The following TBL1XR1 variants were observed in gnomAD, a reference collection of about 807,000 sequenced individuals.
TBL1XR1 encodes the protein TBL1X/Y related 1, also known as F-box-like/WD repeat-containing protein TBL1XR1.
Under a neutral mutation model 66.9 loss-of-function variants are expected in TBL1XR1, and 5 were observed. That is an observed-to-expected ratio of 0.07 (90% CI 0.04 to 0.16). TBL1XR1 has a LOEUF of 0.16. Ranked by LOEUF, TBL1XR1 falls within the 10% of genes least tolerant of loss-of-function variation. The probability of loss-of-function intolerance (pLI) is 1.00; values close to 1 mark genes in which losing one functional copy is unlikely to be tolerated. For synonymous variants in TBL1XR1, 210 were observed against 206.0 expected (o/e 1.02, Z -0.17); for missense variants, 238 against 623.2 (o/e 0.38, Z 6.58).
At chr3:177,107,988 T>C (rs753248218) in intron 1 of TBL1XR1, among the ~76,000 whole-genome samples, 3 of 150,802 alleles carry the variant, frequency 2.0e-5, no homozygotes, top group Non-Finnish European at 4.4e-5. Context: ...CATTAAAAAA[T>C]GAATGGGCAT....
rs200200315 is a variant in TBL1XR1 at position 177,051,548 on chromosome 3, T to C, written c.383A>G (p.Glu128Gly). ...ATTCTCCTCCCCATTTGCTGTGTTTTCTCCATTTTTTGCAGATCCTTGTTG... is the reference window on the plus strand; with the variant it reads ...ATTCTCCTCCCCATTTGCTGTGTTTCCTCCATTTTTTGCAGATCCTTGTTG... ...ASQQGSAKNG[E>G]NTANGEENGA... is the part of the protein sequence containing the mutation. The change falls in exon 5 of 16, where the codon GAA becomes GGA. Residue 128 changes from glutamate to glycine, a missense_variant. Physicochemically the swap from Glu to Gly is moderately conservative, Grantham distance 98. Coordinates refer to ENST00000457928, the MANE Select transcript of TBL1XR1 (RefSeq NM_024665.7). 1 of 1,613,648 alleles carries C rather than the reference T, an allele frequency of 6.2e-7. No individual in the cohort carries two copies. The highest frequency in any genetic ancestry group is 8.5e-7 in the Non-Finnish European group (1 of 1,179,790).
At chr3:177,113,176 G>A (rs1224408923) in intron 1 of TBL1XR1, among the ~76,000 whole-genome samples, 1 of 152,038 alleles carries the variant, frequency 6.6e-6, no homozygotes, top group East Asian at 1.9e-4. Flanking sequence ...GTAGAAAAAT[G>A]AAAGTAGACC....
intron 1 of TBL1XR1, among the ~76,000 whole-genome samples, chr3:177,190,259 G>A (rs1735982773): frequency 6.6e-6 from 1 of 151,658 alleles, no homozygotes; most frequent in African/African-American, 2.4e-5. Context: ...ACTAGACTAG[G>A]TTTTCCCCCA....
intron 1 of TBL1XR1, among the ~76,000 whole-genome samples, chr3:177,125,115 A>AGCTT (rs1727454452): frequency 1.3e-5 from 2 of 152,186 alleles, no homozygotes; most frequent in Non-Finnish European, 2.9e-5. Context: ...AAAAGACAAC[A>AGCTT]TCAAGAAAGT....
At chr3:177,183,151 C>T (rs996686748) in intron 1 of TBL1XR1, among the ~76,000 whole-genome samples, 12 of 152,096 alleles carry the variant, frequency 7.9e-5, no homozygotes, top group African/African-American at 2.7e-4. Flanking sequence ...TCATTCAGAA[C>T]GTCGACGTTT....
At chr3:177,200,030 T>C (rs1737310089), upstream of TBL1XR1, among the ~76,000 whole-genome samples, 1 of 151,938 alleles carries the variant, frequency 6.6e-6, no homozygotes, top group Non-Finnish European at 1.5e-5. Flanking sequence ...TAGAGTGCAA[T>C]GGCGGAATGT....
At chr3:177,175,833 C>A (rs1003955121) in intron 1 of TBL1XR1, among the ~76,000 whole-genome samples, 1 of 151,890 alleles carries the variant, frequency 6.6e-6, no homozygotes, top group Non-Finnish European at 1.5e-5. Flanking sequence ...CCGAGGCGTG[C>A]GGATCTCGAG....
intron 1 of TBL1XR1, among the ~76,000 whole-genome samples, chr3:177,157,315 G>A (rs545015175): frequency 2.6e-5 from 4 of 152,296 alleles, no homozygotes; most frequent in African/African-American, 9.6e-5. Flanking sequence ...TTGGCTCAGG[G>A]CCTCGTCCTC....
chr3:177,105,338 A>C (rs1724744069), intron 1 of TBL1XR1, among the ~76,000 whole-genome samples: 2 of 152,308 alleles, frequency 1.3e-5, no homozygotes, highest in South Asian at 4.1e-4. Context: ...TTTGGAAGAA[A>C]GAAACAAGTG....
chr3:177,179,310 T>C (rs1734532227), intron 1 of TBL1XR1, among the ~76,000 whole-genome samples: 1 of 152,148 alleles, frequency 6.6e-6, no homozygotes. Context: ...TATTGTTACC[T>C]GATGCAAAAC....
intron 1 of TBL1XR1, among the ~76,000 whole-genome samples, chr3:177,192,367 C>T (rs962033088): frequency 1.3e-5 from 2 of 149,058 alleles, no homozygotes; most frequent in Admixed American, 1.4e-4. Context: ...TGCACTCCAA[C>T]CTGGGCAACA....
At chr3:177,153,468 G>A (rs879941350) in intron 1 of TBL1XR1, among the ~76,000 whole-genome samples, 1 of 152,114 alleles carries the variant, frequency 6.6e-6, no homozygotes, top group Admixed American at 6.5e-5. Context: ...AATATCCAGT[G>A]TTTACAGCAT....
chr3:177,180,456 C>A, intron 1 of TBL1XR1, among the ~76,000 whole-genome samples: 1 of 147,986 alleles, frequency 6.8e-6, no homozygotes, highest in South Asian at 2.2e-4. Context: ...AAATATTACT[C>A]TCCTTGGAGT....
At chr3:177,034,177 A>G (rs1237685768) in intron 13 of TBL1XR1, 21 bp downstream of exon 13, 2 of 1,598,126 alleles carry the variant, frequency 1.3e-6, no homozygotes, top group African/African-American at 2.7e-5. Flanking sequence ...CATAAAAGGA[A>G]AAATGAAACA....
intron 10 of TBL1XR1, among the ~76,000 whole-genome samples, chr3:177,044,271 C>T (rs1373030084): frequency 6.6e-6 from 1 of 152,096 alleles, no homozygotes; most frequent in Non-Finnish European, 1.5e-5. Flanking sequence ...AATCTTTGAA[C>T]AATGTGAGGG....
At chr3:177,038,766 C>T (rs897225610) in intron 10 of TBL1XR1, among the ~76,000 whole-genome samples, 2 of 152,066 alleles carry the variant, frequency 1.3e-5, no homozygotes, top group Admixed American at 6.5e-5. Flanking sequence ...TGATATCATG[C>T]TTTTCATTTC....
chr3:177,077,943 C>T (rs1408569268), intron 2 of TBL1XR1, among the ~76,000 whole-genome samples: 1 of 152,170 alleles, frequency 6.6e-6, no homozygotes, highest in Non-Finnish European at 1.5e-5. Flanking sequence ...TAAGGCATTA[C>T]ATCAAGTCAT....
At chr3:177,048,708 C>A (rs945791172) in intron 7 of TBL1XR1, among the ~76,000 whole-genome samples, 4 of 152,194 alleles carry the variant, frequency 2.6e-5, no homozygotes, top group African/African-American at 9.7e-5. Flanking sequence ...CACAGGCTCT[C>A]TTGCTTTAGC....
intron 1 of TBL1XR1, among the ~76,000 whole-genome samples, chr3:177,146,782 T>C (rs1447899535): frequency 6.6e-6 from 1 of 151,962 alleles, no homozygotes; most frequent in Non-Finnish European, 1.5e-5. Flanking sequence ...AAGCTCACTT[T>C]GTTTGAGAAA....
Sources: gnomAD v4.1 joint callset for allele counts (sites outside exome capture counted in the v4.1 genomes callset) on GRCh38, gnomAD v4.1.1 for gene constraint, MANE v1.5 for transcripts, NCBI Gene and HGNC (gene_info 2026-07-23, HGNC 2026-07-21) for gene names.